GABRR2: variants seen among roughly 807,000 people sequenced by gnomAD.
The protein encoded by GABRR2 is gamma-aminobutyric acid receptor subunit rho-2.
GABRR2 carries 36 observed loss-of-function variants against 47.0 expected under a neutral mutation model. The observed-to-expected ratio is 0.77, with a 90% CI of 0.59 to 1.01. GABRR2 has a LOEUF of 1.01. Among genes scored for constraint, GABRR2 ranks in the 50% least tolerant of loss-of-function variants. GABRR2 has a pLI of 0.00. For missense variants in GABRR2, 587 were observed against 594.6 expected (o/e 0.99, Z 0.13); for synonymous variants, 204 against 227.5 (o/e 0.90, Z 0.93).
intron 3 of GABRR2, chr6:89,270,271 G>T (rs1774018296): frequency 6.6e-6 from 1 of 152,294 alleles, no homozygotes; most frequent in Non-Finnish European, 1.5e-5. Flanking sequence ...GGGAAGTGCA[G>T]ATTCACAAAC....
In GABRR2 at chr6:89,256,907, T is replaced by C. The variant is rs574653585; in HGVS notation, c.*763A>G. On this transcript the variant is annotated 3_prime_UTR_variant, in exon 9 of 9. Coordinates refer to ENST00000402938, the MANE Select transcript of GABRR2 (RefSeq NM_002043.5). Reference sequence around the variant, plus strand: ...TCTCCTGGACCCTGCCTTATATGCCTAAGAGTAAAAGCAACAGCAAACAGA... The same window carrying C: ...TCTCCTGGACCCTGCCTTATATGCCCAAGAGTAAAAGCAACAGCAAACAGA... 5.9e-5 allele frequency among the ~76,000 whole-genome samples: 9 copies of C among 152,188 alleles called. No homozygotes were observed. In the South Asian group the frequency reaches 1.9e-3, roughly 32 times the overall value.
intron 2 of GABRR2, among the ~76,000 whole-genome samples, chr6:89,286,258 G>A (rs1353825392): frequency 6.6e-6 from 1 of 152,190 alleles, no homozygotes; most frequent in African/African-American, 2.4e-5. Context: ...CCAGGGACTG[G>A]AGGATGAAGA....
chr6:89,264,653 C>G (rs1261863075), intron 7 of GABRR2, 45 bp from the exon 8 acceptor site: 1 of 1,603,240 alleles, frequency 6.2e-7, no homozygotes. Context: ...CGGTCTAGAA[C>G]TGCCCTCATA....
At chr6:89,261,360 TTGGAGA>T (rs1445458880) in intron 8 of GABRR2, among the ~76,000 whole-genome samples, 7 of 152,294 alleles carry the variant, frequency 4.6e-5, no homozygotes, top group African/African-American at 1.7e-4. Flanking sequence ...TATAATATAT[TTGGAGA>T]TGTAAACTAA....
rs1342919218 is a variant in GABRR2, at chr6:89,264,289, C to A, written c.1086+123G>T. The stretch of plus-strand genomic sequence containing the variant: ...AGAACCTATTCTAAAACAAGATCCT[C>A]CTCGTTTTGCACAAACATCTCCTTT... On this transcript the variant is annotated intron_variant, in intron 8 of 8. Transcript: ENST00000402938. The A allele has an allele frequency of 9.5e-6, 11 of 1,161,840 alleles. No homozygotes were observed. In the Admixed American group the frequency reaches 2.8e-4, roughly 29 times the overall value. 72.0% of individuals were successfully genotyped at this position (1,161,840 alleles called of 1,614,324 possible).
chr6:89,291,868 C>T (rs1774447751), intron 2 of GABRR2, among the ~76,000 whole-genome samples: 1 of 152,198 alleles, frequency 6.6e-6, no homozygotes. Flanking sequence ...GCAAGGGCGG[C>T]TCTTCCCCAG....
In GABRR2 at chr6:89,267,670, G is replaced by C; in HGVS notation, c.736+9C>G. On this transcript the variant is annotated intron_variant, in intron 6 of 8. Transcript: ENST00000402938. ...ACATTTGAATCAGATTGTGGCAAAA[G>C]ATAGCTACCAGTGCTGCTGTAGAAG... is the stretch of plus-strand genomic sequence containing the variant. 1.2e-6 allele frequency: 2 copies of C among 1,607,854 alleles called. No individual in the cohort carries two copies. Among genetic ancestry groups the C allele is most frequent in the Non-Finnish European group, 1.7e-6 (2 of 1,177,772 alleles).
At chr6:89,272,709 A>G (rs943843822) in intron 2 of GABRR2, among the ~76,000 whole-genome samples, 2 of 152,214 alleles carry the variant, frequency 1.3e-5, no homozygotes, top group Non-Finnish European at 1.5e-5. Context: ...ACCAGGGAAC[A>G]CAGGATCAGG....
rs1273146567 is a variant in GABRR2, at chr6:89,262,027, T to TA, written c.1086+2384_1086+2385insT. 2.8e-3 allele frequency among the ~76,000 whole-genome samples: 311 copies of TA among 110,936 alleles called. 1 individual carries two copies. The highest frequency in any genetic ancestry group is 0.011 in the African/African-American group (297 of 26,160). 72.8% of individuals were successfully genotyped at this position (110,936 alleles called of 152,430 possible). On this transcript the variant is annotated intron_variant, in intron 8 of 8. Transcript: ENST00000402938. ...CTGGGTGACAGAGTCAGACCCTGTC[T>TA]CAAAAAAAAAAAAAAAAAATTTGCA...
At position 89,269,244 on chromosome 6, in the gene GABRR2, C is replaced by A; in HGVS notation, c.289-10G>T. ...GGGTCATAGTGAAGTCCTGTGGGAG[C>A]CGGGGTGAGACCAGACAAAAATGGC... On this transcript the variant is annotated splice_polypyrimidine_tract_variant and intron_variant, in intron 3 of 8. Coordinates refer to ENST00000402938, the MANE Select transcript of GABRR2 (RefSeq NM_002043.5). 1 of 1,610,938 alleles carries A rather than the reference C, an allele frequency of 6.2e-7. No homozygotes were observed. The highest frequency in any genetic ancestry group is 8.5e-7 in the Non-Finnish European group (1 of 1,177,188).
intron 1 of GABRR2, among the ~76,000 whole-genome samples, chr6:89,308,101 C>T (rs1201494710): frequency 6.6e-6 from 1 of 152,194 alleles, no homozygotes; most frequent in Non-Finnish European, 1.5e-5. Flanking sequence ...AGGCATGAGC[C>T]ACCGCGCTCG....
chr6:89,259,392 A>G (rs779937645), intron 8 of GABRR2, among the ~76,000 whole-genome samples: 8 of 152,204 alleles, frequency 5.3e-5, no homozygotes, highest in Non-Finnish European at 1.2e-4. Flanking sequence ...AAGTATTCTT[A>G]TCCTTGAAGA....
chr6:89,307,977 C>A (rs1767600163), intron 1 of GABRR2, among the ~76,000 whole-genome samples: 1 of 152,010 alleles, frequency 6.6e-6, no homozygotes, highest in Admixed American at 6.5e-5. Context: ...CCACCACACC[C>A]AGCTAATTTT....
rs540224906 is a variant in GABRR2, at chr6:89,272,858, C to T, written c.221-1136G>A. On this transcript the variant is annotated intron_variant, in intron 2 of 8. Transcript: ENST00000402938. The stretch of plus-strand genomic sequence containing the variant: ...AGGAGGACCAGAGATTCCCACACTG[C>T]GTACGTAGGAACTAGAAAGCCCAGT... 1.1e-4 allele frequency among the ~76,000 whole-genome samples: 17 copies of T among 152,280 alleles called. No individual in the cohort carries two copies. The South Asian group carries it at 2.9e-3, about 26-fold the overall frequency.
chr6:89,314,978 G>A, intron 1 of GABRR2, 75 bp downstream of exon 1: 3 of 1,329,656 alleles, frequency 2.3e-6, no homozygotes, highest in Non-Finnish European at 3.2e-6. Flanking sequence ...TAGCCCCCTG[G>A]GGAGCCATCC....
At chr6:89,289,975 T>A (rs187038542) in intron 2 of GABRR2, among the ~76,000 whole-genome samples, 1 of 152,254 alleles carries the variant, frequency 6.6e-6, no homozygotes, top group Admixed American at 6.5e-5. Flanking sequence ...CTTATGGGAC[T>A]CTTTGATTCC....
At chr6:89,308,239 C>T (rs548319799) in intron 1 of GABRR2, among the ~76,000 whole-genome samples, 1 of 152,182 alleles carries the variant, frequency 6.6e-6, no homozygotes, top group Admixed American at 6.5e-5. Flanking sequence ...AAGTTTCATT[C>T]CTCACCGGCT....
intron 4 of GABRR2, among the ~76,000 whole-genome samples, chr6:89,268,472 A>T (rs1773961132): frequency 6.6e-6 from 1 of 152,196 alleles, no homozygotes; most frequent in Non-Finnish European, 1.5e-5. Context: ...GTCTAGTATC[A>T]GCAATGCATT....
intron 1 of GABRR2, among the ~76,000 whole-genome samples, chr6:89,300,235 T>C (rs532220568): frequency 1.3e-5 from 2 of 152,182 alleles, no homozygotes; most frequent in East Asian, 3.9e-4. Flanking sequence ...GGGGGCTAGG[T>C]GCAGTGGCTC....
Sources: allele counts gnomAD v4.1 joint callset (sites outside exome capture counted in the v4.1 genomes callset), GRCh38; gene constraint gnomAD v4.1.1; transcripts MANE v1.5; gene names NCBI Gene and HGNC (gene_info 2026-07-23, HGNC 2026-07-21).